The following CR1L variants were observed in gnomAD, a reference collection of about 807,000 sequenced individuals.
The protein encoded by CR1L is complement C3b/C4b receptor 1 like.
Under a neutral mutation model 62.3 loss-of-function variants are expected in CR1L, and 59 were observed. That is an observed-to-expected ratio of 0.95 (90% CI 0.77 to 1.18). The LOEUF (loss-of-function observed/expected upper bound fraction) is 1.18, where lower values mean the gene tolerates loss of function less well. Among genes scored for constraint, CR1L ranks in the 50% most tolerant of loss-of-function variants. The probability of loss-of-function intolerance (pLI) is 0.00; values close to 1 mark genes in which losing one functional copy is unlikely to be tolerated. For missense variants in CR1L, 700 were observed against 702.8 expected, an observed-to-expected ratio of 1.00 and a Z score of 0.04; for synonymous variants, 279 against 248.7, an observed-to-expected ratio of 1.12 and a Z score of -1.15.
chr1:207,713,379 C>T (rs1165077510), intron 10 of CR1L, among the ~76,000 whole-genome samples: 1 of 152,214 alleles, frequency 6.6e-6, no homozygotes, highest in Non-Finnish European at 1.5e-5. Flanking sequence ...TGTTTTAACC[C>T]AATTACATAT....
At position 207,710,701 on chromosome 1, in the gene CR1L, C is replaced by T. The variant is rs2102479215; in HGVS notation, c.1414+2438C>T. ...TTGTGGAGTTTAGGTGTCAGCCTGGCTTTGTCATGAAAGGACCCCCCGCAC... is the reference window on the plus strand; with the variant it reads ...TTGTGGAGTTTAGGTGTCAGCCTGGTTTTGTCATGAAAGGACCCCCCGCAC... On this transcript the variant is annotated intron_variant, in intron 10 of 11. Coordinates refer to ENST00000508064, the MANE Select transcript of CR1L (RefSeq NM_175710.2). The T allele has an allele frequency of 1.9e-6, 3 of 1,610,074 alleles. No individual in the cohort carries two copies. In the East Asian group the frequency reaches 6.7e-5, roughly 36 times the overall value.
Position 207,652,518 on chromosome 1 carries a change from T to A in CR1L, c.97+7188T>A, listed in dbSNP as rs1663237970. ...TGATGAAAGTGATATCAGTACTTCA[T>A]CTTCATGTTCCTATTCTCTTATCCC... On this transcript the variant is annotated intron_variant, in intron 1 of 11. Transcript: ENST00000508064. 2.4e-6 allele frequency: 3 copies of A among 1,250,006 alleles called. No individual in the cohort carries two copies. In the East Asian group the frequency reaches 7.0e-5, roughly 29 times the overall value. The allele number at this position is 1,250,006 out of a possible 1,614,324, so 77.4% of individuals were successfully genotyped here.
intron 7 of CR1L, 116 bp downstream of exon 7, chr1:207,697,989 C>CAT (rs1664133485): frequency 1.4e-6 from 2 of 1,462,124 alleles, no homozygotes; most frequent in African/African-American, 2.8e-5. Context: ...CACACACACA[C>CAT]ACACACAATC....
Position 207,682,015 on chromosome 1 carries a change from C to T in CR1L, c.378-1857C>T, listed in dbSNP as rs540883679. Among the ~76,000 whole-genome samples the T allele has an allele frequency of 1.6e-3, 227 of 141,926 alleles. 1 individual carries two copies. In the Middle Eastern group the frequency reaches 0.017, roughly 11 times the overall value. The allele number at this position is 141,926 out of a possible 152,430, so 93.1% of individuals were successfully genotyped here. On this transcript the variant is annotated intron_variant, in intron 3 of 11. Transcript: ENST00000508064. ...CTGTTGGTGGGTGGGGGGCTAGGGG[C>T]GGGATAGCACTAGGAGAAATACCTA...
At chr1:207,667,509 T>G (rs912676452) in intron 1 of CR1L, among the ~76,000 whole-genome samples, 2 of 152,236 alleles carry the variant, frequency 1.3e-5, no homozygotes, top group Non-Finnish European at 2.9e-5. Context: ...AAGATACTCT[T>G]TCCATCTCAA....
rs531554038 is a variant in CR1L, at chr1:207,701,928, A to G, written c.1328+310A>G. 3.4e-4 allele frequency among the ~76,000 whole-genome samples: 52 copies of G among 152,310 alleles called. No homozygotes were observed. The South Asian group carries it at 3.9e-3, about 12-fold the overall frequency. ...CCCAGAGTAGACATTGCTGGAAGAAAGGGAAGGGCATGTAGCAGCTGTGTG... is the reference window on the plus strand; with the variant it reads ...CCCAGAGTAGACATTGCTGGAAGAAGGGGAAGGGCATGTAGCAGCTGTGTG... On this transcript the variant is annotated intron_variant, in intron 9 of 11. Transcript: ENST00000508064.
At chr1:207,679,971 C>A (rs190993323) in intron 3 of CR1L, among the ~76,000 whole-genome samples, 86 of 152,234 alleles carry the variant, frequency 5.6e-4, no homozygotes, top group African/African-American at 1.7e-3. Context: ...GATGAATAGG[C>A]AGAGCACAGA....
In CR1L at chr1:207,677,265, A is replaced by G. The variant is rs1251327583; in HGVS notation, c.98-124A>G. 7 of 949,238 alleles carry G rather than the reference A, an allele frequency of 7.4e-6. No individual in the cohort carries two copies. The African/African-American group carries it at 9.4e-5, about 13-fold the overall frequency. The allele number at this position is 949,238 out of a possible 1,614,324, so 58.8% of individuals were successfully genotyped here. A position where few individuals can be genotyped will look rare whatever the true frequency, so the allele number is the denominator to read the frequency against. ...TTGAACCTGTGAGGCAGAGGATCGC[A>G]CCACTGCACTCCAGCCTGGGTGACA... On this transcript the variant is annotated intron_variant, in intron 1 of 11. Transcript: ENST00000508064.
At chr1:207,679,556 A>G (rs994614550) in intron 3 of CR1L, among the ~76,000 whole-genome samples, 6 of 152,002 alleles carry the variant, frequency 3.9e-5, no homozygotes, top group Admixed American at 1.3e-4. Context: ...AAATAAACAT[A>G]CTCTTAACAT....
intron 1 of CR1L, among the ~76,000 whole-genome samples, chr1:207,675,837 T>C (rs764210233): frequency 6.6e-6 from 1 of 152,244 alleles, no homozygotes; most frequent in African/African-American, 2.4e-5. Context: ...TTAAGGGGCC[T>C]AGCTGAGTCT....
chr1:207,684,031 A>T, intron 4 of CR1L, 74 bp downstream of exon 4: 1 of 1,406,832 alleles, frequency 7.1e-7, no homozygotes, highest in Non-Finnish European at 9.9e-7. Flanking sequence ...AAAAATCTTA[A>T]CCGAATTCCT....
At chr1:207,669,546 C>G in intron 1 of CR1L, 1 of 1,568,914 alleles carries the variant, frequency 6.4e-7, no homozygotes, top group East Asian at 2.3e-5. Flanking sequence ...TGGTGCTGCT[C>G]GCGCTGCCGG....
rs72740689 is a variant in CR1L, at chr1:207,668,280, A to G, written c.98-9109A>G. Among the ~76,000 whole-genome samples, 195 of 151,288 alleles carry G rather than the reference A, an allele frequency of 1.3e-3. 3 individuals carry two copies. Among genetic ancestry groups the G allele is most frequent in the Admixed American group, 2.1e-3 (32 of 15,274 alleles). On this transcript the variant is annotated intron_variant, in intron 1 of 11. Coordinates refer to ENST00000508064, the MANE Select transcript of CR1L (RefSeq NM_175710.2). ...ATGGAATCAACCCAAGTGTTCACCA[A>G]TGGACGAATGGATAAATAAAATGTG... is the stretch of plus-strand genomic sequence containing the variant.
Position 207,677,584 on chromosome 1 carries a change from G to A in CR1L, c.277+16G>A. ...AAGTGCAAACGTAAGTAACTCTGGA[G>A]TGGGAACCCCTCTGTTAGTCAAACA... On this transcript the variant is annotated intron_variant, in intron 2 of 11. Coordinates refer to ENST00000508064, the MANE Select transcript of CR1L (RefSeq NM_175710.2). The A allele has an allele frequency of 6.2e-7, 1 of 1,604,556 alleles. No individual in the cohort carries two copies. The highest frequency in any genetic ancestry group is 8.5e-7 in the Non-Finnish European group (1 of 1,174,120).
intron 1 of CR1L, among the ~76,000 whole-genome samples, chr1:207,648,661 C>T (rs1356376531): frequency 6.6e-6 from 1 of 152,156 alleles, no homozygotes; most frequent in East Asian, 1.9e-4. Context: ...AACCCCCGAT[C>T]TCCTGTTGTG....
chr1:207,677,870 G>A (rs1663723134), intron 2 of CR1L, among the ~76,000 whole-genome samples: 2 of 152,232 alleles, frequency 1.3e-5, no homozygotes, highest in African/African-American at 4.8e-5. Flanking sequence ...ACAAGAAAGA[G>A]AAGTGGATTA....
intron 4 of CR1L, among the ~76,000 whole-genome samples, chr1:207,690,163 T>G (rs1571522074): frequency 6.6e-6 from 1 of 152,256 alleles, no homozygotes; most frequent in East Asian, 1.9e-4. Flanking sequence ...ACTCCTCCAC[T>G]CCTAAATTCT....
chr1:207,706,129 AAGG>A (rs1186944038), intron 9 of CR1L, among the ~76,000 whole-genome samples: 2 of 151,592 alleles, frequency 1.3e-5, no homozygotes, highest in South Asian at 2.1e-4. Flanking sequence ...AAAAGATGAA[AAGG>A]AGAAGATAGG....
At chr1:207,721,141 C>A (rs1654127414) in intron 11 of CR1L, among the ~76,000 whole-genome samples, 1 of 152,134 alleles carries the variant, frequency 6.6e-6, no homozygotes, top group South Asian at 2.1e-4. Flanking sequence ...CATAAATATA[C>A]AGAAACTGTT....
Sources: gnomAD v4.1 joint callset for allele counts (sites outside exome capture counted in the v4.1 genomes callset) on GRCh38, gnomAD v4.1.1 for gene constraint, MANE v1.5 for transcripts, NCBI Gene and HGNC (gene_info 2026-07-23, HGNC 2026-07-21) for gene names.